Variants in MICAL3 observed in about 807,000 individuals in gnomAD.
The protein encoded by MICAL3 is [F-actin]-monooxygenase MICAL3.
In MICAL3, 62 loss-of-function variants were observed where a neutral mutation model predicts 207.4. The ratio of observed to expected loss-of-function variants is 0.30; its 90% CI spans 0.24 to 0.37. The LOEUF is 0.37. Among genes scored for constraint, MICAL3 ranks in the 10% least tolerant of loss-of-function variants. MICAL3 has a pLI of 1.00. For synonymous variants in MICAL3, 1,077 were observed against 1,069.3 expected, an observed-to-expected ratio of 1.01 and a Z score of -0.14; for missense variants, 2,368 against 2,635.6, an observed-to-expected ratio of 0.90 and a Z score of 2.22.
chr22:17,875,700 A>AAAAT, intron 16 of MICAL3: 1 of 466,812 alleles, frequency 2.1e-6, no homozygotes, highest in South Asian at 2.6e-5. Flanking sequence ...AAAAAAAAAA[A>AAAAT]AAAGTAGCTC....
chr22:17,922,388 C>T (rs990975012), intron 1 of MICAL3, among the ~76,000 whole-genome samples: 3 of 152,172 alleles, frequency 2.0e-5, no homozygotes, highest in African/African-American at 7.2e-5. Context: ...TGATGATTAA[C>T]TTGTTACTAA....
At chr22:17,839,927 CTTTTTTTTTTTTT>C (rs67852343) in intron 20 of MICAL3, 1 of 95,846 alleles carries the variant, frequency 1.0e-5, no homozygotes, top group Admixed American at 1.1e-4. Flanking sequence ...TTTTAATTAT[CTTTTTTTTTTTTT>C]TTTTTTTTTT....
intron 29 of MICAL3, 56 bp downstream of exon 29, chr22:17,808,788 C>G (rs1010057633): frequency 1.2e-5 from 17 of 1,451,802 alleles, no homozygotes; most frequent in Middle Eastern, 1.8e-4. Context: ...TAGCCTACCA[C>G]GGCGGGAGGG....
chr22:17,992,075 A>G (rs1443224745), intron 1 of MICAL3, among the ~76,000 whole-genome samples: 1 of 151,824 alleles, frequency 6.6e-6, no homozygotes, highest in Non-Finnish European at 1.5e-5. Flanking sequence ...AGACTGCAAA[A>G]CCCTCCTCTA....
intron 16 of MICAL3, among the ~76,000 whole-genome samples, chr22:17,883,455 G>T (rs1276355720): frequency 6.6e-6 from 1 of 152,214 alleles, no homozygotes; most frequent in Non-Finnish European, 1.5e-5. Context: ...GGAGGCTGGG[G>T]AGACCGACTA....
At chr22:17,926,773 A>G (rs143239797) in intron 1 of MICAL3, among the ~76,000 whole-genome samples, 117 of 152,320 alleles carry the variant, frequency 7.7e-4, no homozygotes, top group African/African-American at 2.6e-3. Flanking sequence ...TGCAGGGTAT[A>G]TTCGCATTTG....
chr22:17,874,618 T>C (rs942390744), intron 16 of MICAL3, among the ~76,000 whole-genome samples: 5 of 152,256 alleles, frequency 3.3e-5, no homozygotes, highest in Non-Finnish European at 7.3e-5. Flanking sequence ...AGACTCAAGT[T>C]CTATTTGTTT....
At chr22:17,948,656 A>G (rs1364158831) in intron 1 of MICAL3, among the ~76,000 whole-genome samples, 2 of 152,250 alleles carry the variant, frequency 1.3e-5, no homozygotes, top group African/African-American at 2.4e-5. Context: ...CAGTCCTAGT[A>G]CTTTGGGAGG....
intron 19 of MICAL3, among the ~76,000 whole-genome samples, chr22:17,855,875 C>T (rs776253241): frequency 1.3e-5 from 2 of 152,242 alleles, no homozygotes; most frequent in Non-Finnish European, 2.9e-5. Flanking sequence ...TGCCTCTCGC[C>T]CACGCTGCCG....
At chr22:17,883,222 A>G (rs1467217995) in intron 16 of MICAL3, among the ~76,000 whole-genome samples, 1 of 152,200 alleles carries the variant, frequency 6.6e-6, no homozygotes, top group East Asian at 1.9e-4. Context: ...CATTTTTCAG[A>G]AGACCTCCCT....
chr22:17,879,828 C>T (rs1569112358), intron 16 of MICAL3, among the ~76,000 whole-genome samples: 1 of 152,190 alleles, frequency 6.6e-6, no homozygotes, highest in African/African-American at 2.4e-5. Flanking sequence ...ATGACTAAGA[C>T]AGCAGTCCAG....
In MICAL3 at chr22:17,817,265, G is replaced by T. The variant is rs28705138; in HGVS notation, c.5350+46C>A. The T allele has an allele frequency of 1.8e-3, 2,700 of 1,521,656 alleles. 51 individuals are homozygous for T. The African/African-American group carries it at 0.033, about 18-fold the overall frequency. The allele number at this position is 1,521,656 out of a possible 1,614,324, so 94.3% of individuals were successfully genotyped here. On this transcript the variant is annotated intron_variant, in intron 26 of 31. Coordinates refer to ENST00000441493, the MANE Select transcript of MICAL3 (RefSeq NM_015241.3). ...AGCCCCAGTGACCCCAGCCCCTCCC[G>T]CACCCCTCCCGCTCTGCCTGCACGC...
chr22:17,879,477 T>C, intron 16 of MICAL3: 2 of 1,279,406 alleles, frequency 1.6e-6, no homozygotes, highest in Admixed American at 4.1e-5. Context: ...CAGTGGGAAA[T>C]TCAGGGGCAG....
intron 1 of MICAL3, among the ~76,000 whole-genome samples, chr22:17,919,076 G>GTGTTTTTTTTTTTTTT (rs1932720844): frequency 7.3e-6 from 1 of 136,504 alleles, no homozygotes; most frequent in African/African-American, 3.0e-5. Context: ...GTTTTTGTGG[G>GTGTTTTTTTTTTTTTT]TTTTTTTTTT....
chr22:17,791,401 G>A (rs1569064867), intron 29 of MICAL3, 100 bp from the exon 30 acceptor site: 2 of 1,054,180 alleles, frequency 1.9e-6, no homozygotes, highest in Non-Finnish European at 2.8e-6. Context: ...CGAGCAAGAT[G>A]CTGCCGGAAC....
intron 1 of MICAL3, among the ~76,000 whole-genome samples, chr22:17,967,491 CA>C (rs1935200578): frequency 9.0e-6 from 1 of 111,480 alleles, no homozygotes; most frequent in Non-Finnish European, 2.2e-5. Flanking sequence ...CACACACACA[CA>C]CCCACACACA....
At position 17,841,994 on chromosome 22, in the gene MICAL3, C is replaced by T; in HGVS notation, c.2629G>A (p.Glu877Lys). Residue 877 changes from glutamate (E) to lysine (K), a missense_variant, in exon 20 of 32, where the codon GAG (glutamate) becomes AAG (lysine). By Grantham distance (56) the Glu-to-Lys change is moderately conservative (BLOSUM62 1). Around this residue, in one of 4 missense-constraint regions of MICAL3, gnomAD observed 1,770 missense variants for 1,863.2 expected, o/e 0.95. Coordinates refer to ENST00000441493, the MANE Select transcript of MICAL3 (RefSeq NM_015241.3). The surrounding 1 kb of genome is among the most constrained non-coding windows in gnomAD (Gnocchi z 4.2). Reference protein sequence around the residue: ...TPGSGVNGLEEPSIAKRLRGT... With the variant: ...TPGSGVNGLEKPSIAKRLRGT... ...CTCAGTCGCTTGGCGATGCTGGGCTCCTCCAGGCCGTTCACGCCTGAACCT... is the reference window on the plus strand; with the variant it reads ...CTCAGTCGCTTGGCGATGCTGGGCTTCTCCAGGCCGTTCACGCCTGAACCT... The T allele has an allele frequency of 6.2e-7, 1 of 1,604,260 alleles. No individual in the cohort carries two copies. The highest frequency in any genetic ancestry group is 8.5e-7 in the Non-Finnish European group (1 of 1,179,506).
chr22:17,825,336 T>G (rs1159093738), intron 22 of MICAL3, among the ~76,000 whole-genome samples: 4 of 152,088 alleles, frequency 2.6e-5, no homozygotes, highest in Non-Finnish European at 5.9e-5. Context: ...GGGGTGGATC[T>G]GGGGGTGAAA....
chr22:17,962,719 G>A (rs1350494387), intron 1 of MICAL3, among the ~76,000 whole-genome samples: 1 of 102,562 alleles, frequency 9.8e-6, no homozygotes, highest in Non-Finnish European at 2.4e-5. Flanking sequence ...CCTTTGAACA[G>A]AAATGAAGCA....
Sources: allele counts gnomAD v4.1 joint callset (sites outside exome capture counted in the v4.1 genomes callset), GRCh38; gene constraint gnomAD v4.1.1; regional missense constraint gnomAD v4.1.1; non-coding constraint Gnocchi (gnomAD v3.1); transcripts MANE v1.5; gene names NCBI Gene and HGNC (gene_info 2026-07-23, HGNC 2026-07-21).